The following CCDC91 variants were observed in gnomAD, a reference collection of about 807,000 sequenced individuals.
CCDC91 encodes the protein coiled-coil domain-containing protein 91.
A neutral mutation model predicts 63.2 loss-of-function variants in CCDC91; 48 were observed. The observed-to-expected ratio is 0.76, with a 90% CI of 0.60 to 0.97. The LOEUF (loss-of-function observed/expected upper bound fraction) is 0.97, where lower values mean the gene tolerates loss of function less well. Ranked by LOEUF, CCDC91 falls within the 50% of genes least tolerant of loss-of-function variation. CCDC91 has a pLI of 0.00. For synonymous variants in CCDC91, 167 were observed against 165.8 expected (o/e 1.01, Z -0.06); for missense variants, 500 against 494.6 (o/e 1.01, Z -0.10).
At chr12:28,518,811 T>G (rs765917979) in intron 12 of CCDC91, among the ~76,000 whole-genome samples, 1 of 152,082 alleles carries the variant, frequency 6.6e-6, no homozygotes, top group South Asian at 2.1e-4. Flanking sequence ...CCTTGATCCA[T>G]CTTGAGTTGA....
At chr12:28,548,964 G>T (rs1473775588) in intron 12 of CCDC91, 99 bp from the exon 13 acceptor site, 3 of 705,708 alleles carry the variant, frequency 4.3e-6, no homozygotes, top group Non-Finnish European at 7.4e-6. Flanking sequence ...GTCTCATCTG[G>T]AAAGTTTTTT....
intron 6 of CCDC91, among the ~76,000 whole-genome samples, chr12:28,339,388 A>G (rs1263572256): frequency 5.3e-5 from 8 of 152,122 alleles, no homozygotes; most frequent in Non-Finnish European, 8.8e-5. Context: ...CAGCTAGTAC[A>G]TGAACCTGGC....
At chr12:28,505,774 T>C (rs1361967351) in intron 12 of CCDC91, among the ~76,000 whole-genome samples, 1 of 151,996 alleles carries the variant, frequency 6.6e-6, no homozygotes, top group African/African-American at 2.4e-5. Context: ...CAGGTGAGCC[T>C]ATAGAATTGT....
intron 1 of CCDC91, among the ~76,000 whole-genome samples, chr12:28,242,257 A>T (rs760878287): frequency 6.6e-6 from 1 of 152,106 alleles, no homozygotes; most frequent in Non-Finnish European, 1.5e-5. Flanking sequence ...AGTGTTTGAC[A>T]TGTGACCCAG....
intron 12 of CCDC91, among the ~76,000 whole-genome samples, chr12:28,534,550 T>C (rs149896383): frequency 0.016 from 2,485 of 152,278 alleles, 26 homozygotes; most frequent in South Asian, 0.028. Context: ...CCAGCACTTA[T>C]GATTTTTTTT....
intron 12 of CCDC91, among the ~76,000 whole-genome samples, chr12:28,528,770 C>A (rs1941493605): frequency 6.6e-6 from 1 of 152,102 alleles, no homozygotes; most frequent in Admixed American, 6.6e-5. Flanking sequence ...GAGACAGTGT[C>A]TTGCCCTGTC....
chr12:28,462,106 G>A lies in CCDC91; in HGVS notation c.1101+9452G>A, dbSNP rs1023177060. 4.6e-5 allele frequency among the ~76,000 whole-genome samples: 7 copies of A among 151,874 alleles called. No individual in the cohort carries two copies. The South Asian group carries it at 1.0e-3, about 23-fold the overall frequency. On this transcript the variant is annotated intron_variant, in intron 11 of 12. Coordinates refer to ENST00000536442, the MANE Select transcript of CCDC91 (RefSeq NM_018318.5). ...AGCAATACTTGAGTTCTTGAAACCAGATGAACTACCAGCTTGTCGATATTT... is the reference window on the plus strand; with the variant it reads ...AGCAATACTTGAGTTCTTGAAACCAAATGAACTACCAGCTTGTCGATATTT...
chr12:28,327,874 T>C (rs1941158795), intron 6 of CCDC91, among the ~76,000 whole-genome samples: 1 of 151,924 alleles, frequency 6.6e-6, no homozygotes, highest in Admixed American at 6.6e-5. Context: ...CTTAGCAGGT[T>C]TGGTCATAAT....
intron 1 of CCDC91, among the ~76,000 whole-genome samples, chr12:28,235,001 G>A (rs556598115): frequency 2.0e-5 from 3 of 152,282 alleles, no homozygotes; most frequent in African/African-American, 4.8e-5. Context: ...CTGGCAGAGT[G>A]CAAGTTTGAT....
At chr12:28,413,889 A>G (rs543903699) in intron 8 of CCDC91, among the ~76,000 whole-genome samples, 1 of 152,338 alleles carries the variant, frequency 6.6e-6, no homozygotes, top group South Asian at 2.1e-4. Flanking sequence ...ATGATTTGTG[A>G]GTGCAAGAAA....
intron 7 of CCDC91, among the ~76,000 whole-genome samples, chr12:28,384,935 TGAGG>T (rs1237302933): frequency 6.6e-6 from 1 of 152,104 alleles, no homozygotes; most frequent in Non-Finnish European, 1.5e-5. Context: ...TTTGCAGTTT[TGAGG>T]GGATATGATA....
chr12:28,306,267 A>G (rs1312513594), intron 4 of CCDC91, among the ~76,000 whole-genome samples: 1 of 152,092 alleles, frequency 6.6e-6, no homozygotes, highest in East Asian at 1.9e-4. Flanking sequence ...CTAGCTGCTG[A>G]AGGTAGTCCC....
At chr12:28,201,003 T>C (rs1215041887) in intron 1 of CCDC91, among the ~76,000 whole-genome samples, 1 of 118,044 alleles carries the variant, frequency 8.5e-6, no homozygotes. Context: ...GGCGGGGGGC[T>C]GACCCCCCCA....
chr12:28,255,871 A>G (rs1946411230), intron 1 of CCDC91: 1 of 152,072 alleles, frequency 6.6e-6, no homozygotes, highest in African/African-American at 2.4e-5. Context: ...TTCTTTTTGA[A>G]GGTGTTAGCA....
At chr12:28,508,567 A>G (rs557391024) in intron 12 of CCDC91, among the ~76,000 whole-genome samples, 34 of 151,894 alleles carry the variant, frequency 2.2e-4, no homozygotes, top group Admixed American at 2.2e-3. Context: ...TAACAGCCCT[A>G]CCTCCTTTTA....
chr12:28,228,803 T>G (rs1944424448), intron 1 of CCDC91, among the ~76,000 whole-genome samples: 1 of 152,116 alleles, frequency 6.6e-6, no homozygotes, highest in African/African-American at 2.4e-5. Flanking sequence ...ATAAATTTGC[T>G]CTTTAACTTT....
chr12:28,520,356 G>A (rs1213324665), intron 12 of CCDC91, among the ~76,000 whole-genome samples: 2 of 152,184 alleles, frequency 1.3e-5, no homozygotes, highest in Non-Finnish European at 2.9e-5. Context: ...CCTGTTGGCT[G>A]CATAAATGTC....
At chr12:28,395,555 T>C (rs765858454) in intron 8 of CCDC91, among the ~76,000 whole-genome samples, 5 of 152,118 alleles carry the variant, frequency 3.3e-5, no homozygotes, top group Admixed American at 6.5e-5. Context: ...TCTTGGTTTG[T>C]CATAAAGGAT....
chr12:28,504,693 C>T (rs1349079755), intron 12 of CCDC91, among the ~76,000 whole-genome samples: 21 of 151,914 alleles, frequency 1.4e-4, no homozygotes, highest in Non-Finnish European at 1.5e-5. Flanking sequence ...GTCTACATGG[C>T]TCCTTATGTT....
Sources: allele counts gnomAD v4.1 joint callset (sites outside exome capture counted in the v4.1 genomes callset), GRCh38; gene constraint gnomAD v4.1.1; transcripts MANE v1.5; gene names NCBI Gene and HGNC (gene_info 2026-07-23, HGNC 2026-07-21).